Variants in CTNND2 observed in about 807,000 individuals in gnomAD.
CTNND2 encodes catenin delta-2.
A neutral mutation model predicts 144.4 loss-of-function variants in CTNND2; 22 were observed. The ratio of observed to expected loss-of-function variants is 0.15; its 90% CI spans 0.11 to 0.22. The LOEUF is 0.22. CTNND2 is among the 10% of genes least tolerant of loss of function. The pLI is 1.00. For missense variants in CTNND2, 1,353 were observed against 1,618.8 expected, an observed-to-expected ratio of 0.84 and a Z score of 2.82; for synonymous variants, 751 against 695.6, an observed-to-expected ratio of 1.08 and a Z score of -1.25.
At chr5:11,758,694 T>C (rs1479681131) in intron 1 of CTNND2, among the ~76,000 whole-genome samples, 3 of 152,060 alleles carry the variant, frequency 2.0e-5, no homozygotes, top group South Asian at 2.1e-4. Flanking sequence ...AGTAAACAGG[T>C]TTAAATTATC....
intron 12 of CTNND2, among the ~76,000 whole-genome samples, chr5:11,150,578 AGGT>A (rs1205913810): frequency 2.0e-5 from 3 of 149,414 alleles, no homozygotes; most frequent in African/African-American, 4.9e-5. Flanking sequence ...TGCTGACATC[AGGT>A]GGTGGCAGGT....
chr5:11,107,839 G>A (rs6862348), intron 14 of CTNND2, among the ~76,000 whole-genome samples: 3,176 of 145,252 alleles, frequency 0.022, 71 homozygotes, highest in East Asian at 0.14. Flanking sequence ...GTCTCACCAG[G>A]AAAGAAACAG....
intron 16 of CTNND2, among the ~76,000 whole-genome samples, chr5:11,025,009 T>A (rs1315535689): frequency 6.6e-6 from 1 of 152,210 alleles, no homozygotes; most frequent in Non-Finnish European, 1.5e-5. Flanking sequence ...CACTGTTATA[T>A]TTAACTTACC....
At chr5:11,553,211 A>T (rs1775920208) in intron 3 of CTNND2, among the ~76,000 whole-genome samples, 1 of 152,220 alleles carries the variant, frequency 6.6e-6, no homozygotes, top group African/African-American at 2.4e-5. Flanking sequence ...CAGTTCCAGC[A>T]GTGCGCATGG....
chr5:11,509,542 G>A (rs1383284405), intron 3 of CTNND2, among the ~76,000 whole-genome samples: 1 of 152,178 alleles, frequency 6.6e-6, no homozygotes, highest in African/African-American at 2.4e-5. Context: ...AGAGAAGCTT[G>A]AAAGCAGGAG....
intron 18 of CTNND2, among the ~76,000 whole-genome samples, chr5:10,995,371 TGAGGAGGAGAAGGAGACCAACCGAATACC>T: frequency 6.6e-6 from 1 of 151,748 alleles, no homozygotes; most frequent in Non-Finnish European, 1.5e-5. Context: ...GAGCAATGCG[TGAGGAGGAGAAGGAGACCAACCGAATACC>T]GAGGAGGACC....
rs1385842527 is a variant in CTNND2, at chr5:11,344,577, TG to T, written c.1628+1794del. Among the ~76,000 whole-genome samples, 4 of 152,050 alleles carry T rather than the reference TG, an allele frequency of 2.6e-5. No homozygotes were observed. The East Asian group carries it at 5.8e-4, about 22-fold the overall frequency. Reference sequence around the variant, plus strand: ...GTTTTTTCTTTTCTTTTCTTTTTTTTGGGGGGTCTGTGGGTCTGAGCTCAGG... The same window carrying T: ...GTTTTTTCTTTTCTTTTCTTTTTTTTGGGGGTCTGTGGGTCTGAGCTCAGG... On this transcript the variant is annotated intron_variant, in intron 9 of 21. Transcript: ENST00000304623.
intron 9 of CTNND2, among the ~76,000 whole-genome samples, chr5:11,289,547 C>T (rs979144846): frequency 8.6e-5 from 13 of 151,946 alleles, no homozygotes; most frequent in African/African-American, 3.1e-4. Context: ...GATGCACTCT[C>T]CTGCAGAGCC....
chr5:11,331,462 G>GTTACTAAATTAAAAA (rs1561230728), intron 9 of CTNND2, among the ~76,000 whole-genome samples: 2 of 152,168 alleles, frequency 1.3e-5, no homozygotes, highest in African/African-American at 4.8e-5. Context: ...CATATAATCA[G>GTTACTAAATTAAAAA]TTACTAAGGG....
chr5:11,191,863 C>T (rs1384544938), intron 11 of CTNND2, among the ~76,000 whole-genome samples: 1 of 152,190 alleles, frequency 6.6e-6, no homozygotes, highest in African/African-American at 2.4e-5. Flanking sequence ...CCATGAGTGG[C>T]AGCTGGCTCT....
chr5:11,611,869 T>A (rs1399272289), intron 2 of CTNND2, among the ~76,000 whole-genome samples: 1 of 152,230 alleles, frequency 6.6e-6, no homozygotes, highest in Admixed American at 6.5e-5. Flanking sequence ...CATCTCTCAC[T>A]ACAATGTATT....
At chr5:11,402,595 T>A (rs1385637056) in intron 5 of CTNND2, among the ~76,000 whole-genome samples, 2 of 152,236 alleles carry the variant, frequency 1.3e-5, no homozygotes, top group Non-Finnish European at 2.9e-5. Context: ...GATAAAGTGG[T>A]TGTTTTCTCC....
chr5:11,487,392 TA>T, intron 3 of CTNND2, among the ~76,000 whole-genome samples: 1 of 152,326 alleles, frequency 6.6e-6, no homozygotes, highest in Non-Finnish European at 1.5e-5. Flanking sequence ...TACTATAATT[TA>T]AAAATCTGAC....
At chr5:11,071,173 G>T (rs1748233187) in intron 16 of CTNND2, among the ~76,000 whole-genome samples, 1 of 152,186 alleles carries the variant, frequency 6.6e-6, no homozygotes, top group South Asian at 2.1e-4. Flanking sequence ...CAGCAAGTTT[G>T]GAAGAGAGAC....
chr5:11,657,400 C>T (rs547890776), intron 2 of CTNND2, among the ~76,000 whole-genome samples: 1 of 152,182 alleles, frequency 6.6e-6, no homozygotes, highest in East Asian at 1.9e-4. Context: ...TTCATGCTAA[C>T]ATCTTTGTAT....
chr5:11,350,497 T>C (rs1276576929), intron 8 of CTNND2, among the ~76,000 whole-genome samples: 1 of 152,142 alleles, frequency 6.6e-6, no homozygotes, highest in Admixed American at 6.6e-5. Flanking sequence ...GATTATATAT[T>C]TAAAAAAATC....
chr5:11,373,532 AAC>A (rs1459036214), intron 7 of CTNND2, among the ~76,000 whole-genome samples: 2 of 152,236 alleles, frequency 1.3e-5, no homozygotes, highest in Non-Finnish European at 2.9e-5. Flanking sequence ...ACCCTGAAAG[AAC>A]ATGCACAGCA....
At chr5:11,700,643 C>T (rs1212631845) in intron 2 of CTNND2, among the ~76,000 whole-genome samples, 7 of 152,134 alleles carry the variant, frequency 4.6e-5, no homozygotes, top group South Asian at 4.1e-4. Flanking sequence ...ATCCTTTTGT[C>T]TGTACCTATT....
intron 2 of CTNND2, among the ~76,000 whole-genome samples, chr5:11,622,055 G>A (rs190668165): frequency 1.3e-5 from 2 of 152,268 alleles, no homozygotes; most frequent in Non-Finnish European, 1.5e-5. Flanking sequence ...ATCTAAGTAT[G>A]AGTAACTGGG....
Sources: gnomAD v4.1 joint callset for allele counts (sites outside exome capture counted in the v4.1 genomes callset) on GRCh38, gnomAD v4.1.1 for gene constraint, MANE v1.5 for transcripts, NCBI Gene and HGNC (gene_info 2026-07-23, HGNC 2026-07-21) for gene names.